The following GHR variants were observed in gnomAD, a reference collection of about 807,000 sequenced individuals.
The protein encoded by GHR is GH receptor.
In GHR, 35 loss-of-function variants were observed where a neutral mutation model predicts 67.1. That is an observed-to-expected ratio of 0.52 (90% confidence interval 0.40 to 0.69). The LOEUF is 0.69. Ranked by LOEUF, GHR falls within the 30% of genes least tolerant of loss-of-function variation. The pLI, the probability that GHR is intolerant of heterozygous loss-of-function variation, is 0.00. For missense variants in GHR, 792 were observed against 764.6 expected, an observed-to-expected ratio of 1.04 and a Z score of -0.42; for synonymous variants, 272 against 269.1, an observed-to-expected ratio of 1.01 and a Z score of -0.10.
chr5:42,673,067 A>G (rs1756396848), intron 3 of GHR, among the ~76,000 whole-genome samples: 1 of 152,188 alleles, frequency 6.6e-6, no homozygotes, highest in South Asian at 2.1e-4. Flanking sequence ...AATTGAGCAA[A>G]CAAAAAACAA....
chr5:42,676,450 A>G (rs554015047), intron 3 of GHR, among the ~76,000 whole-genome samples: 81 of 152,344 alleles, frequency 5.3e-4, no homozygotes, highest in Non-Finnish European at 8.8e-4. Context: ...TCTTATGTTC[A>G]GTATTGTCCA....
At chr5:42,574,234 C>T (rs1750510279) in intron 2 of GHR, among the ~76,000 whole-genome samples, 1 of 152,194 alleles carries the variant, frequency 6.6e-6, no homozygotes, top group African/African-American at 2.4e-5. Flanking sequence ...GTTGAAGAGT[C>T]CTGCCCTGTG....
intron 1 of GHR, among the ~76,000 whole-genome samples, chr5:42,460,297 C>A (rs979186811): frequency 6.6e-6 from 1 of 152,122 alleles, no homozygotes; most frequent in Non-Finnish European, 1.5e-5. Flanking sequence ...CAGCCCAAGC[C>A]AATTATTATA....
At chr5:42,674,128 A>T (rs573035929) in intron 3 of GHR, among the ~76,000 whole-genome samples, 82 of 152,244 alleles carry the variant, frequency 5.4e-4, no homozygotes, top group African/African-American at 1.9e-3. Context: ...GCTAAGTTTC[A>T]TTTATAATAT....
chr5:42,466,831 C>T, intron 1 of GHR: 1 of 1,242,274 alleles, frequency 8.0e-7, no homozygotes, highest in Non-Finnish European at 1.1e-6. Flanking sequence ...AGAGGTGTCT[C>T]ATTTGGGAGG....
At chr5:42,624,340 G>A (rs913948913) in intron 2 of GHR, among the ~76,000 whole-genome samples, 2 of 152,110 alleles carry the variant, frequency 1.3e-5, no homozygotes, top group African/African-American at 2.4e-5. Flanking sequence ...TTCTGCCATC[G>A]TGGAAAAATT....
chr5:42,466,424 T>C (rs1441143608), intron 1 of GHR, among the ~76,000 whole-genome samples: 1 of 152,226 alleles, frequency 6.6e-6, no homozygotes, highest in Non-Finnish European at 1.5e-5. Flanking sequence ...CATAAGTGAA[T>C]TGTTGAATTG....
chr5:42,440,589 T>C (rs745779784), intron 1 of GHR, among the ~76,000 whole-genome samples: 3 of 152,064 alleles, frequency 2.0e-5, no homozygotes, highest in African/African-American at 2.4e-5. Flanking sequence ...AGAAAACCAT[T>C]GAAGGGTTTG....
At chr5:42,610,878 T>G (rs1452415761) in intron 2 of GHR, among the ~76,000 whole-genome samples, 1 of 152,096 alleles carries the variant, frequency 6.6e-6, no homozygotes, top group Non-Finnish European at 1.5e-5. Context: ...GTCCTTGTCA[T>G]GCAAAGTCAC....
intron 1 of GHR, among the ~76,000 whole-genome samples, chr5:42,486,100 T>C (rs1745868073): frequency 6.6e-6 from 1 of 152,194 alleles, no homozygotes; most frequent in Non-Finnish European, 1.5e-5. Context: ...AATGCTCCAT[T>C]CTAACAAGCT....
At chr5:42,715,355 T>C (rs1758669576) in intron 8 of GHR, among the ~76,000 whole-genome samples, 1 of 152,196 alleles carries the variant, frequency 6.6e-6, no homozygotes. Flanking sequence ...AAGAACGAGA[T>C]TTTTCCTAGA....
chr5:42,487,885 A>C (rs1238028798), intron 1 of GHR, among the ~76,000 whole-genome samples: 2 of 152,238 alleles, frequency 1.3e-5, no homozygotes, highest in African/African-American at 4.8e-5. Context: ...AGTGGCTCTG[A>C]ACACTTGCAT....
At chr5:42,440,866 AGGTACTGG>A (rs1420896257) in intron 1 of GHR, among the ~76,000 whole-genome samples, 3 of 152,238 alleles carry the variant, frequency 2.0e-5, no homozygotes, top group Admixed American at 2.0e-4. Flanking sequence ...GTAAACTCCA[AGGTACTGG>A]GCTTCTTCAA....
At chr5:42,650,549 C>T (rs1754963607) in intron 3 of GHR, among the ~76,000 whole-genome samples, 2 of 143,110 alleles carry the variant, frequency 1.4e-5, no homozygotes, top group South Asian at 2.2e-4. Context: ...TTATGTAAAA[C>T]TTCCCAATGT....
chr5:42,478,036 A>C (rs1227411550), intron 1 of GHR, among the ~76,000 whole-genome samples: 3 of 151,992 alleles, frequency 2.0e-5, no homozygotes, highest in African/African-American at 2.4e-5. Flanking sequence ...GTAAGTCTTT[A>C]ATCCATCTTG....
chr5:42,523,085 G>T (rs538117481), intron 1 of GHR, among the ~76,000 whole-genome samples: 1 of 152,304 alleles, frequency 6.6e-6, no homozygotes, highest in East Asian at 1.9e-4. Context: ...TCTTTTATAT[G>T]ATTACAACCA....
chr5:42,670,455 T>C (rs1756216631), intron 3 of GHR, among the ~76,000 whole-genome samples: 1 of 152,120 alleles, frequency 6.6e-6, no homozygotes, highest in Admixed American at 6.6e-5. Flanking sequence ...ATGATATTAA[T>C]CTAGGCAGAA....
chr5:42,624,249 C>T (rs1753592027), intron 2 of GHR, among the ~76,000 whole-genome samples: 1 of 152,140 alleles, frequency 6.6e-6, no homozygotes, highest in African/African-American at 2.4e-5. Flanking sequence ...CAAGGCTGGC[C>T]AGGGCTCCCC....
chr5:42,643,314 A>G (rs1754571566), intron 3 of GHR, among the ~76,000 whole-genome samples: 1 of 152,186 alleles, frequency 6.6e-6, no homozygotes, highest in South Asian at 2.1e-4. Flanking sequence ...TGTGTGCATT[A>G]TAAATGTCCA....
Sources: gnomAD v4.1 joint callset for allele counts (sites outside exome capture counted in the v4.1 genomes callset) on GRCh38, gnomAD v4.1.1 for gene constraint, MANE v1.5 for transcripts, NCBI Gene and HGNC (gene_info 2026-07-23, HGNC 2026-07-21) for gene names.